Variants in LMBRD1 observed in about 807,000 individuals in gnomAD.
LMBRD1 encodes the protein LMBR1 domain containing 1.
A neutral mutation model predicts 74.8 loss-of-function variants in LMBRD1; 64 were observed. That is an observed-to-expected ratio of 0.86 (90% CI 0.70 to 1.05). The LOEUF (loss-of-function observed/expected upper bound fraction) is 1.05, where lower values mean the gene tolerates loss of function less well. Ranked by LOEUF, LMBRD1 falls within the 50% of genes least tolerant of loss-of-function variation. LMBRD1 has a pLI of 0.00. For missense variants in LMBRD1, 652 were observed against 645.9 expected (o/e 1.01, Z -0.10); for synonymous variants, 204 against 216.3 (o/e 0.94, Z 0.50).
chr6:69,734,629 C>G (rs1766935111), intron 7 of LMBRD1, among the ~76,000 whole-genome samples: 1 of 152,274 alleles, frequency 6.6e-6, no homozygotes, highest in African/African-American at 2.4e-5. Flanking sequence ...CTCCTGACCT[C>G]AGGTGACCCG....
At chr6:69,794,776 A>G (rs1428650407) in intron 1 of LMBRD1, among the ~76,000 whole-genome samples, 1 of 152,234 alleles carries the variant, frequency 6.6e-6, no homozygotes, top group Non-Finnish European at 1.5e-5. Flanking sequence ...ATATTGTGTA[A>G]TGAAACGTAT....
At chr6:69,689,452 G>A (rs1765832842) in intron 14 of LMBRD1, among the ~76,000 whole-genome samples, 1 of 152,074 alleles carries the variant, frequency 6.6e-6, no homozygotes, top group Non-Finnish European at 1.5e-5. Context: ...AGGGTTGGGT[G>A]GGCTGGACCA....
chr6:69,764,652 T>G (rs908188563), intron 3 of LMBRD1, among the ~76,000 whole-genome samples: 1 of 152,200 alleles, frequency 6.6e-6, no homozygotes, highest in Non-Finnish European at 1.5e-5. Context: ...TGTTCAAATT[T>G]TTGCTTATTT....
At chr6:69,776,411 T>C (rs1765706899) in intron 3 of LMBRD1, among the ~76,000 whole-genome samples, 1 of 152,206 alleles carries the variant, frequency 6.6e-6, no homozygotes, top group Admixed American at 6.5e-5. Flanking sequence ...CCTAAACTGG[T>C]ACCTAAGAAA....
intron 7 of LMBRD1, among the ~76,000 whole-genome samples, chr6:69,723,161 C>A (rs866222292): frequency 6.6e-6 from 1 of 152,054 alleles, no homozygotes; most frequent in Non-Finnish European, 1.5e-5. Context: ...CACTGGAGCA[C>A]CCAGATATAT....
intron 7 of LMBRD1, among the ~76,000 whole-genome samples, chr6:69,733,612 C>T (rs1203492535): frequency 1.3e-5 from 2 of 152,072 alleles, no homozygotes; most frequent in Admixed American, 1.3e-4. Context: ...TATCATCTAC[C>T]TTCCTCTTCC....
chr6:69,708,203 A>G (rs1331124634), intron 9 of LMBRD1, among the ~76,000 whole-genome samples: 1 of 152,198 alleles, frequency 6.6e-6, no homozygotes, highest in Non-Finnish European at 1.5e-5. Flanking sequence ...CTGTAGGCTT[A>G]GAAATGTGTT....
In LMBRD1 at chr6:69,796,951, G is replaced by T; in HGVS notation, c.-70C>A. On this transcript the variant is annotated 5_prime_UTR_variant, in exon 1 of 16. Coordinates refer to ENST00000649934, the MANE Select transcript of LMBRD1 (RefSeq NM_018368.4). The stretch of plus-strand genomic sequence containing the variant: ...AGGGGAGGGGGAAAGGGGAGAGAGC[G>T]CGAGATATACTGCACCCGCGCACCC... 1 of 1,365,798 alleles carries T rather than the reference G, an allele frequency of 7.3e-7. No homozygotes were observed. The highest frequency in any genetic ancestry group is 1.0e-6 in the Non-Finnish European group (1 of 969,596). 84.6% of individuals were successfully genotyped at this position (1,365,798 alleles called of 1,614,324 possible).
chr6:69,774,966 GAA>G, intron 3 of LMBRD1, among the ~76,000 whole-genome samples: 1 of 38,042 alleles, frequency 2.6e-5, no homozygotes, highest in African/African-American at 1.2e-4. Context: ...AGGAAGGAAG[GAA>G]GGAAGGAAGG....
intron 1 of LMBRD1, among the ~76,000 whole-genome samples, chr6:69,791,704 C>T (rs1415322917): frequency 2.0e-5 from 3 of 152,218 alleles, no homozygotes; most frequent in Non-Finnish European, 4.4e-5. Context: ...AATCCTTCTA[C>T]CGCAAGCAAG....
rs1274240971 is a variant in LMBRD1, at chr6:69,675,027, G to C, written c.*1131C>G. Among the ~76,000 whole-genome samples the C allele has an allele frequency of 1.3e-5, 2 of 151,930 alleles. No homozygotes were observed. The highest frequency in any genetic ancestry group is 2.4e-5 in the African/African-American group (1 of 41,376). On this transcript the variant is annotated 3_prime_UTR_variant, in exon 16 of 16. Coordinates refer to ENST00000649934, the MANE Select transcript of LMBRD1 (RefSeq NM_018368.4). ...TAAGAACAGAAGGGAATGAAATCCT[G>C]GTGAATAATGCTAAAGGGTAGTTGC...
At chr6:69,773,759 A>G in intron 3 of LMBRD1, among the ~76,000 whole-genome samples, 1 of 152,346 alleles carries the variant, frequency 6.6e-6, no homozygotes, top group Middle Eastern at 3.4e-3. Flanking sequence ...ATGTACATAT[A>G]TAATATCTTC....
rs1013240795 is a variant in LMBRD1 at position 69,758,122 on chromosome 6, G to A, written c.308-5766C>T. ...CAACAATCTACCTTTTAAAAGCCAC[G>A]TATCATTAAATTATAACTCACATGA... On this transcript the variant is annotated intron_variant, in intron 3 of 15. Coordinates refer to ENST00000649934, the MANE Select transcript of LMBRD1 (RefSeq NM_018368.4). 2.0e-5 allele frequency among the ~76,000 whole-genome samples: 3 copies of A among 152,146 alleles called. No individual in the cohort carries two copies. The South Asian group carries it at 6.2e-4, about 32-fold the overall frequency.
intron 3 of LMBRD1, among the ~76,000 whole-genome samples, chr6:69,770,750 T>C (rs964660214): frequency 1.3e-5 from 2 of 152,280 alleles, no homozygotes; most frequent in Non-Finnish European, 1.5e-5. Context: ...ACAGTATAAA[T>C]TCTAGCAGGA....
At chr6:69,795,257 G>A (rs1766190866) in intron 1 of LMBRD1, among the ~76,000 whole-genome samples, 1 of 152,196 alleles carries the variant, frequency 6.6e-6, no homozygotes, top group Admixed American at 6.5e-5. Flanking sequence ...TGTCCTTGCT[G>A]TAATATTGCC....
chr6:69,741,056 T>C (rs1352585163), intron 6 of LMBRD1, among the ~76,000 whole-genome samples: 15 of 152,226 alleles, frequency 9.9e-5, no homozygotes, highest in African/African-American at 3.6e-4. Flanking sequence ...TTACATTTTA[T>C]ATAAAAGATG....
intron 5 of LMBRD1, among the ~76,000 whole-genome samples, chr6:69,748,229 A>G (rs1368789784): frequency 6.6e-6 from 1 of 152,222 alleles, no homozygotes; most frequent in East Asian, 1.9e-4. Flanking sequence ...CTTACTATCT[A>G]TGCTTTAAGA....
At chr6:69,760,231 T>A (rs985172827) in intron 3 of LMBRD1, among the ~76,000 whole-genome samples, 2 of 152,232 alleles carry the variant, frequency 1.3e-5, no homozygotes, top group African/African-American at 4.8e-5. Flanking sequence ...ATGTCCACAC[T>A]GATTAATATG....
chr6:69,676,385 A>G, intron 15 of LMBRD1, 65 bp downstream of exon 15: 7 of 1,575,508 alleles, frequency 4.4e-6, no homozygotes, highest in Non-Finnish European at 6.1e-6. Context: ...AGATAAAAAG[A>G]GTTTACACAT....
Sources: allele counts gnomAD v4.1 joint callset (sites outside exome capture counted in the v4.1 genomes callset), GRCh38; gene constraint gnomAD v4.1.1; transcripts MANE v1.5; gene names NCBI Gene and HGNC (gene_info 2026-07-23, HGNC 2026-07-21).